The following JAKMIP2 variants were observed in gnomAD, a reference collection of about 807,000 sequenced individuals.
The protein encoded by JAKMIP2 is janus kinase and microtubule-interacting protein 2.
In JAKMIP2, 25 loss-of-function variants were observed where a neutral mutation model predicts 115.0. The ratio of observed to expected loss-of-function variants is 0.22; its 90% confidence interval spans 0.16 to 0.30. The LOEUF is 0.30. JAKMIP2 is among the 10% of genes least tolerant of loss of function. JAKMIP2 has a pLI of 1.00. For missense variants in JAKMIP2, 642 were observed against 957.6 expected, an observed-to-expected ratio of 0.67 and a Z score of 4.35; for synonymous variants, 334 against 343.6, an observed-to-expected ratio of 0.97 and a Z score of 0.31.
At position 147,586,475 on chromosome 5, in the gene JAKMIP2, T is replaced by G. The variant is rs946852973; in HGVS notation, c.*5232A>C. 16 of 152,150 alleles carry G rather than the reference T, an allele frequency of 1.1e-4. No homozygotes were observed. The highest frequency in any genetic ancestry group is 2.4e-5 in the African/African-American group (1 of 41,426). The allele number at this position is 152,150 out of a possible 1,614,324, so 9.4% of individuals were successfully genotyped here. On this transcript the variant is annotated 3_prime_UTR_variant, in exon 22 of 22. Transcript: ENST00000616793. ...GAAAATTGCATCATCCACTCTTTAGTAAGTTCGTGGGATCTTGATTGTGGG... is the reference window on the plus strand; with the variant it reads ...GAAAATTGCATCATCCACTCTTTAGGAAGTTCGTGGGATCTTGATTGTGGG...
rs79801275 is a variant in JAKMIP2 at position 147,639,772 on chromosome 5, G to GA, written c.1402-13dup. On this transcript the variant is annotated splice_polypyrimidine_tract_variant and intron_variant, in intron 9 of 21. Transcript: ENST00000616793. ...TCAGCTGCTAAACTCTTGAGGTTAA[G>GA]AAAAAAAGCCCCAAAACAATTGTGT... 1.2e-6 allele frequency: 2 copies of GA among 1,607,674 alleles called. No individual in the cohort carries two copies. Among genetic ancestry groups the GA allele is most frequent in the Non-Finnish European group, 1.7e-6 (2 of 1,178,024 alleles).
Position 147,636,108 on chromosome 5 carries a change from G to A in JAKMIP2, c.1677+114C>T, listed in dbSNP as rs974005594. 23 of 775,544 alleles carry A rather than the reference G, an allele frequency of 3.0e-5. No individual in the cohort carries two copies. In the Middle Eastern group the frequency reaches 7.1e-4, roughly 24 times the overall value. The allele number at this position is 775,544 out of a possible 1,614,324, so 48.0% of individuals were successfully genotyped here. A position where few individuals can be genotyped will look rare whatever the true frequency, so the allele number is the denominator to read the frequency against. On this transcript the variant is annotated intron_variant, in intron 12 of 21. Coordinates refer to ENST00000616793, the MANE Select transcript of JAKMIP2 (RefSeq NM_001270941.2). ...ACGCAGCCGAGGACAGAGCAGTGCC[G>A]GAAAAGCCTCCCCTTCCCCTGGCCC...
chr5:147,687,258 TG>T (rs2126849573), intron 1 of JAKMIP2, among the ~76,000 whole-genome samples: 1 of 152,280 alleles, frequency 6.6e-6, no homozygotes, highest in South Asian at 2.1e-4. Flanking sequence ...TGCTCTGAGG[TG>T]AGTGTTAAAA....
intron 1 of JAKMIP2, among the ~76,000 whole-genome samples, chr5:147,753,991 A>G (rs1420958687): frequency 6.6e-6 from 1 of 152,126 alleles, no homozygotes; most frequent in Admixed American, 6.6e-5. Flanking sequence ...TGATGCAACT[A>G]CACTGACATC....
chr5:147,628,190 T>C (rs1757192635), intron 16 of JAKMIP2, among the ~76,000 whole-genome samples: 1 of 152,192 alleles, frequency 6.6e-6, no homozygotes, highest in African/African-American at 2.4e-5. Context: ...CCAGGCTTTA[T>C]GCATTGATTC....
intron 1 of JAKMIP2, among the ~76,000 whole-genome samples, chr5:147,723,830 C>T (rs1194286007): frequency 6.6e-6 from 1 of 152,066 alleles, no homozygotes; most frequent in Admixed American, 6.6e-5. Context: ...GAGAGTAACC[C>T]CAGACACATT....
At chr5:147,657,588 C>T (rs1284591785) in intron 3 of JAKMIP2, among the ~76,000 whole-genome samples, 2 of 152,114 alleles carry the variant, frequency 1.3e-5, no homozygotes, top group African/African-American at 2.4e-5. Context: ...ATAATATCCT[C>T]AAGTGTATTT....
intron 1 of JAKMIP2, among the ~76,000 whole-genome samples, chr5:147,712,265 G>A (rs1752810850): frequency 6.6e-6 from 1 of 151,836 alleles, no homozygotes; most frequent in Non-Finnish European, 1.5e-5. Flanking sequence ...ACCTGATCAA[G>A]GTTCACATGG....
In JAKMIP2 at chr5:147,660,928, G is replaced by A; in HGVS notation, c.627+20C>T. 2 of 1,611,882 alleles carry A rather than the reference G, an allele frequency of 1.2e-6. No homozygotes were observed. ...GAAGAGATGGGTTCTACATGGGTCT[G>A]ATGGGATTACTGTACTAACCAGCCT... On this transcript the variant is annotated intron_variant, in intron 3 of 21. Coordinates refer to ENST00000616793, the MANE Select transcript of JAKMIP2 (RefSeq NM_001270941.2).
chr5:147,618,919 C>T (rs1237287169), intron 18 of JAKMIP2, among the ~76,000 whole-genome samples: 1 of 151,992 alleles, frequency 6.6e-6, no homozygotes, highest in Non-Finnish European at 1.5e-5. Flanking sequence ...TTTATGGTCG[C>T]CATATTTTTT....
rs1431894727 is a variant in JAKMIP2, at chr5:147,661,317, C to T, written c.258G>A (p.Gln86=). 2 of 1,614,038 alleles carry T rather than the reference C, an allele frequency of 1.2e-6. No homozygotes were observed. Among genetic ancestry groups the T allele is most frequent in the Non-Finnish European group, 8.5e-7 (1 of 1,180,022 alleles). ...GCTTGATAAGGTTCTCCCTCACAGCCTGCAGCTCCTTCATCTTCTCCTCAT... is the reference window on the plus strand; with the variant it reads ...GCTTGATAAGGTTCTCCCTCACAGCTTGCAGCTCCTTCATCTTCTCCTCAT... ...KLHEEKMKEL[Q]AVRENLIKQH... The change falls in exon 3 of 22, where the codon CAG becomes CAA. Residue 86 remains glutamine (Q), a synonymous_variant. Transcript: ENST00000616793.
chr5:147,595,531 C>T (rs1755332790), intron 21 of JAKMIP2: 1 of 455,002 alleles, frequency 2.2e-6, no homozygotes, highest in South Asian at 1.5e-5. Flanking sequence ...AATTTCCAGC[C>T]TCCAGAGTGG....
chr5:147,596,145 G>A (rs568501778), intron 21 of JAKMIP2, among the ~76,000 whole-genome samples: 1 of 152,246 alleles, frequency 6.6e-6, no homozygotes, highest in East Asian at 1.9e-4. Context: ...GAGATTGCCC[G>A]TGTGGTTAGA....
chr5:147,694,731 T>C (rs1752027685), intron 1 of JAKMIP2, among the ~76,000 whole-genome samples: 1 of 152,236 alleles, frequency 6.6e-6, no homozygotes, highest in South Asian at 2.1e-4. Flanking sequence ...AGATTCACTC[T>C]TCTTTGCTGT....
intron 1 of JAKMIP2, among the ~76,000 whole-genome samples, chr5:147,678,576 C>G (rs1024548761): frequency 7.2e-5 from 11 of 151,900 alleles, no homozygotes; most frequent in Non-Finnish European, 1.0e-4. Context: ...TGAATAATAG[C>G]ATTATTCTTT....
intron 21 of JAKMIP2, among the ~76,000 whole-genome samples, chr5:147,597,993 C>CT (rs56665577): frequency 1.4e-5 from 2 of 146,714 alleles, no homozygotes; most frequent in African/African-American, 5.0e-5. Flanking sequence ...CTTCTTATTC[C>CT]TTTTTTTTTT....
At chr5:147,628,349 C>T (rs921835836) in intron 16 of JAKMIP2, among the ~76,000 whole-genome samples, 4 of 152,104 alleles carry the variant, frequency 2.6e-5, no homozygotes, top group African/African-American at 9.7e-5. Flanking sequence ...TACTAAGCCA[C>T]AGGATCAGTT....
intron 1 of JAKMIP2, among the ~76,000 whole-genome samples, chr5:147,672,970 A>T (rs1405941875): frequency 6.6e-6 from 1 of 152,194 alleles, no homozygotes; most frequent in East Asian, 1.9e-4. Context: ...AGAATGTTGG[A>T]ATCTTTTTTC....
At position 147,782,423 on chromosome 5, in the gene JAKMIP2, A is replaced by AC. The variant is rs763203693; in HGVS notation, c.-149+32dup. The AC allele has an allele frequency of 9.1e-6, 14 of 1,535,124 alleles. No individual in the cohort carries two copies. The South Asian group carries it at 1.5e-4, about 17-fold the overall frequency. ...CACAGGTCAAATAAGAACACTCTAA[A>AC]CCAAGAAGGGAGCCCTACTGTTTCC... On this transcript the variant is annotated intron_variant, in intron 1 of 21. Transcript: ENST00000616793.
Sources: gnomAD v4.1 joint callset for allele counts (sites outside exome capture counted in the v4.1 genomes callset) on GRCh38, gnomAD v4.1.1 for gene constraint, MANE v1.5 for transcripts, NCBI Gene and HGNC (gene_info 2026-07-23, HGNC 2026-07-21) for gene names.